Variants in FMO2 observed in about 807,000 individuals in gnomAD.
FMO2 encodes the protein flavin-containing monooxygenase 2.
A neutral mutation model predicts 41.6 loss-of-function variants in FMO2; 33 were observed. The observed-to-expected ratio is 0.79, with a 90% CI of 0.60 to 1.06. FMO2 has a LOEUF of 1.06. FMO2 is among the 50% of genes least tolerant of loss of function. The pLI is 0.00. For missense variants in FMO2, 619 were observed against 632.9 expected, an observed-to-expected ratio of 0.98 and a Z score of 0.23; for synonymous variants, 214 against 219.6, an observed-to-expected ratio of 0.97 and a Z score of 0.23.
intron 8 of FMO2, 149 bp downstream of exon 8, chr1:171,207,939 C>T: frequency 1.6e-6 from 1 of 608,288 alleles, no homozygotes; most frequent in Non-Finnish European, 2.9e-6. Flanking sequence ...GTGTGTGAGG[C>T]TAAAAAGTTG....
Position 171,205,466 on chromosome 1 carries a change from G to T in FMO2, c.1015G>T (p.Glu339Ter). The change falls in exon 7 of 9, where the codon GAA (glutamate) becomes TAA (stop). Residue 339 changes from glutamate to a stop codon, truncating the protein, a stop_gained. Transcript: ENST00000209929. LOFTEE classifies it high-confidence loss of function. ...TGYSFSFPFLEDSLVKVENNM... is the reference protein window; with the variant it reads ...TGYSFSFPFL ...ATATAGTTTCTCTTTTCCCTTCCTT[G>T]AAGATTCACTCGTTAAAGTAGAGAA... The T allele has an allele frequency of 6.2e-7, 1 of 1,613,802 alleles. No homozygotes were observed. The highest frequency in any genetic ancestry group is 8.5e-7 in the Non-Finnish European group (1 of 1,179,842).
chr1:171,205,437 C>A lies in FMO2; in HGVS notation c.986C>A (p.Thr329Lys). Residue 329 changes from threonine (T) to lysine (K), a missense_variant, in exon 7 of 9, where the codon ACA becomes AAA. Coordinates refer to ENST00000209929, the MANE Select transcript of FMO2 (RefSeq NM_001460.5). Reference sequence around the variant, plus strand: ...AACATTGATGTCATCATTTTTGCAACAGGATATAGTTTCTCTTTTCCCTTC... The same window carrying A: ...AACATTGATGTCATCATTTTTGCAAAAGGATATAGTTTCTCTTTTCCCTTC... ...EENIDVIIFATGYSFSFPFLE... is the reference protein window; with the variant it reads ...EENIDVIIFAKGYSFSFPFLE... The A allele has an allele frequency of 6.2e-7, 1 of 1,613,850 alleles. No individual in the cohort carries two copies. The highest frequency in any genetic ancestry group is 8.5e-7 in the Non-Finnish European group (1 of 1,179,870).
At chr1:171,197,646 G>A (rs1571281076) in intron 4 of FMO2, among the ~76,000 whole-genome samples, 1 of 152,220 alleles carries the variant, frequency 6.6e-6, no homozygotes, top group Non-Finnish European at 1.5e-5. Flanking sequence ...GGGGCAGTAT[G>A]AAGAGGTGGG....
chr1:171,185,832 T>G lies in FMO2; in HGVS notation c.119T>G (p.Val40Gly), dbSNP rs776750320. 4 of 1,613,488 alleles carry G rather than the reference T, an allele frequency of 2.5e-6. No individual in the cohort carries two copies. In the South Asian group the frequency reaches 4.4e-5, roughly 18 times the overall value. The change falls in exon 2 of 9, where the codon GTG becomes GGG. Residue 40 changes from valine (V) to glycine (G), a missense_variant. By Grantham distance (109) the Val-to-Gly change is moderately radical. Coordinates refer to ENST00000209929, the MANE Select transcript of FMO2 (RefSeq NM_001460.5). The stretch of plus-strand genomic sequence containing the variant: ...GAGAGAACTGAAGATATTGGAGGAG[T>G]GTGGAGGTTCAAAGTAAGTGAGATT... ...CFERTEDIGG[V>G]WRFKENVEDG...
At position 171,211,625 on chromosome 1, in the gene FMO2, A is replaced by C. The variant is rs1658986843; in HGVS notation, c.*2480A>C. On this transcript the variant is annotated 3_prime_UTR_variant, in exon 9 of 9. Transcript: ENST00000209929. ...ATGTTCTGGTATCTTTGAAAAATGTAAATAGTTTATTTATAGAGAACCCTA... is the reference window on the plus strand; with the variant it reads ...ATGTTCTGGTATCTTTGAAAAATGTCAATAGTTTATTTATAGAGAACCCTA... 6.6e-6 allele frequency among the ~76,000 whole-genome samples: 1 copy of C among 152,206 alleles called. No individual in the cohort carries two copies. The highest frequency in any genetic ancestry group is 6.5e-5 in the Admixed American group (1 of 15,280).
intron 2 of FMO2, among the ~76,000 whole-genome samples, chr1:171,189,820 A>G (rs1046400619): frequency 6.6e-6 from 1 of 152,066 alleles, no homozygotes; most frequent in South Asian, 2.1e-4. Flanking sequence ...TTCTAATGCA[A>G]CTGGTCCACT....
Position 171,193,434 on chromosome 1 carries a change from T to C in FMO2, c.232T>C (p.Phe78Leu). The change falls in exon 3 of 9, where the codon TTT becomes CTT. Residue 78 changes from phenylalanine (F) to leucine (L), a missense_variant. Coordinates refer to ENST00000209929, the MANE Select transcript of FMO2 (RefSeq NM_001460.5). ...CAGTGACTTTCCAATGCCTGAAGAT[T>C]TTCCAAACTTCCTGCATAATTCTAA... is the stretch of plus-strand genomic sequence containing the variant. ...CFSDFPMPED[F>L]PNFLHNSKLL... 1 of 1,612,880 alleles carries C rather than the reference T, an allele frequency of 6.2e-7. No individual in the cohort carries two copies. The highest frequency in any genetic ancestry group is 8.5e-7 in the Non-Finnish European group (1 of 1,178,984).
intron 5 of FMO2, among the ~76,000 whole-genome samples, 175 bp from the exon 6 acceptor site, chr1:171,203,690 T>G (rs1483465482): frequency 6.6e-6 from 1 of 152,178 alleles, no homozygotes; most frequent in Non-Finnish European, 1.5e-5. Flanking sequence ...CCTGCATCAG[T>G]GTAAATGCCA....
chr1:171,203,855 TG>T lies in FMO2; in HGVS notation c.628-9del. The T allele has an allele frequency of 6.2e-7, 1 of 1,613,002 alleles. No individual in the cohort carries two copies. Among genetic ancestry groups the T allele is most frequent in the Middle Eastern group, 1.7e-4 (1 of 6,022 alleles). ...CCCTAATTTAAACTGCATTTCTTTTTGCTTGCCAGGTTTTTATCAGCACCAG... is the reference window on the plus strand; with the variant it reads ...CCCTAATTTAAACTGCATTTCTTTTTCTTGCCAGGTTTTTATCAGCACCAG... On this transcript the variant is annotated splice_polypyrimidine_tract_variant and intron_variant, in intron 5 of 8. Transcript: ENST00000209929.
At position 171,212,181 on chromosome 1, in the gene FMO2, A is replaced by C. The variant is rs1268857543; in HGVS notation, c.*3036A>C. 6.6e-6 allele frequency among the ~76,000 whole-genome samples: 1 copy of C among 152,204 alleles called. No homozygotes were observed. Among genetic ancestry groups the C allele is most frequent in the East Asian group, 1.9e-4 (1 of 5,194 alleles). ...GGAGATGGGGCCTAATGAGGTGATT[A>C]GGTGAAGTCTCTGCCCTCATGAAAA... On this transcript the variant is annotated 3_prime_UTR_variant, in exon 9 of 9. Transcript: ENST00000209929.
chr1:171,207,908 G>A (rs1658830982), intron 8 of FMO2, 118 bp downstream of exon 8: 3 of 669,794 alleles, frequency 4.5e-6, no homozygotes, highest in Admixed American at 5.5e-5. Context: ...CTATAGCCCA[G>A]ATGATTGAAT....
intron 5 of FMO2, among the ~76,000 whole-genome samples, chr1:171,202,382 T>C (rs1241654572): frequency 6.6e-6 from 1 of 151,924 alleles, no homozygotes; most frequent in African/African-American, 2.4e-5. Context: ...ACCAGCAATA[T>C]AGGAATGCTT....
At position 171,211,268 on chromosome 1, in the gene FMO2, T is replaced by C. The variant is rs1658969231; in HGVS notation, c.*2123T>C. On this transcript the variant is annotated 3_prime_UTR_variant, in exon 9 of 9. Coordinates refer to ENST00000209929, the MANE Select transcript of FMO2 (RefSeq NM_001460.5). The stretch of plus-strand genomic sequence containing the variant: ...CATTCATTTATTTTCTGTGGTTGCT[T>C]TCAAGCTACAATTGTAGAGTTGGGT... The C allele has an allele frequency of 6.6e-6, 1 of 152,216 alleles. No homozygotes were observed. Among genetic ancestry groups the C allele is most frequent in the Non-Finnish European group, 1.5e-5 (1 of 68,032 alleles). 9.4% of individuals were successfully genotyped at this position (152,216 alleles called of 1,614,324 possible).
In FMO2 at chr1:171,193,042, G is replaced by C. The variant is rs1040725727; in HGVS notation, c.133-293G>C. ...CAAAGACTGGCATTAAATAGGTAGA[G>C]ACCTAGGATGCTAATATCTTGCAAT... On this transcript the variant is annotated intron_variant, in intron 2 of 8. Transcript: ENST00000209929. 2.0e-5 allele frequency among the ~76,000 whole-genome samples: 3 copies of C among 152,280 alleles called. No homozygotes were observed. The East Asian group carries it at 5.8e-4, about 29-fold the overall frequency.
At chr1:171,193,244 C>A in intron 2 of FMO2, 91 bp from the exon 3 acceptor site, 1 of 757,580 alleles carries the variant, frequency 1.3e-6, no homozygotes, top group Non-Finnish European at 2.2e-6. Context: ...CAAAGACAAT[C>A]GCATTACCCA....
In FMO2 at chr1:171,193,519, TC is replaced by T; in HGVS notation, c.319del (p.Gln107ArgfsTer7). 6.3e-7 allele frequency: 1 copy of T among 1,588,316 alleles called. No homozygotes were observed. The highest frequency in any genetic ancestry group is 8.6e-7 in the Non-Finnish European group (1 of 1,159,698). On this transcript the variant is annotated frameshift_variant, in exon 3 of 9. Coordinates refer to ENST00000209929, the MANE Select transcript of FMO2 (RefSeq NM_001460.5). LOFTEE classifies it high-confidence loss of function. ...KKFDLLKYIQ[F>X]QTTVLSVRKC... ...TTTGATCTGCTAAAATATATTCAGT[TC>T]CAGGTATTGTATTTTTGGGGAAATG...
chr1:171,203,564 A>C (rs1658626031), intron 5 of FMO2, among the ~76,000 whole-genome samples: 1 of 152,110 alleles, frequency 6.6e-6, no homozygotes, highest in Non-Finnish European at 1.5e-5. Flanking sequence ...ACTTTCTCTT[A>C]AGGAGCAGCA....
At chr1:171,185,976 G>A (rs1032138471) in intron 2 of FMO2, 131 bp downstream of exon 2, 1 of 1,022,692 alleles carries the variant, frequency 9.8e-7, no homozygotes, top group East Asian at 2.5e-5. Flanking sequence ...TATTGATGTG[G>A]CCATAATGGA....
chr1:171,206,170 C>T (rs1227452225), intron 7 of FMO2, among the ~76,000 whole-genome samples: 1 of 152,180 alleles, frequency 6.6e-6, no homozygotes, highest in African/African-American at 2.4e-5. Flanking sequence ...TACTGAATAC[C>T]TTGCCCTGTG....
Sources: gnomAD v4.1 joint callset for allele counts (sites outside exome capture counted in the v4.1 genomes callset) on GRCh38, gnomAD v4.1.1 for gene constraint, MANE v1.5 for transcripts, NCBI Gene and HGNC (gene_info 2026-07-23, HGNC 2026-07-21) for gene names.